VPS35L: variants seen among roughly 807,000 people sequenced by gnomAD.
The protein encoded by VPS35L is VPS35 endosomal protein sorting factor like.
A neutral mutation model predicts 133.0 loss-of-function variants in VPS35L; 83 were observed. The observed-to-expected ratio is 0.62, with a 90% CI of 0.52 to 0.75. The LOEUF (loss-of-function observed/expected upper bound fraction) is 0.75, where lower values mean the gene tolerates loss of function less well. VPS35L is among the 30% of genes least tolerant of loss of function. The probability of loss-of-function intolerance (pLI) is 0.00; values close to 1 mark genes in which losing one functional copy is unlikely to be tolerated. For missense variants in VPS35L, 1,083 were observed against 1,206.8 expected, an observed-to-expected ratio of 0.90 and a Z score of 1.52; for synonymous variants, 423 against 449.9, an observed-to-expected ratio of 0.94 and a Z score of 0.76.
chr16:19,556,931 C>T (rs1404205075), intron 1 of VPS35L, among the ~76,000 whole-genome samples: 1 of 151,864 alleles, frequency 6.6e-6, no homozygotes, highest in Non-Finnish European at 1.5e-5. Flanking sequence ...TCGAGACCAG[C>T]CTGGCCAACA....
At chr16:19,573,436 A>C (rs937896788) in intron 4 of VPS35L, 195 bp downstream of exon 4, 94 of 453,622 alleles carry the variant, frequency 2.1e-4, no homozygotes, top group Admixed American at 8.6e-4. Context: ...CAGGTTTCCC[A>C]AAAAAAAATG....
chr16:19,643,845 C>G (rs528914481), intron 22 of VPS35L, among the ~76,000 whole-genome samples: 98 of 151,980 alleles, frequency 6.4e-4, no homozygotes, highest in African/African-American at 2.3e-3. Flanking sequence ...GTAATCCCAG[C>G]TACTTGGGAG....
chr16:19,588,187 GTATT>G (rs555770404), intron 7 of VPS35L, among the ~76,000 whole-genome samples: 590 of 149,974 alleles, frequency 3.9e-3, no homozygotes, highest in Non-Finnish European at 6.3e-3. Flanking sequence ...ATGTATGTAT[GTATT>G]TATTTATTGA....
intron 28 of VPS35L, among the ~76,000 whole-genome samples, chr16:19,687,404 C>A (rs1162568214): frequency 6.6e-6 from 1 of 152,200 alleles, no homozygotes; most frequent in Non-Finnish European, 1.5e-5. Context: ...GAATTGAATT[C>A]TTCTCGCTTC....
At chr16:19,608,701 G>A (rs892957159) in intron 10 of VPS35L, 28 of 447,124 alleles carry the variant, frequency 6.3e-5, no homozygotes, top group African/African-American at 5.5e-4. Context: ...TCCCCATAAA[G>A]CATTGATTAG....
At chr16:19,599,622 T>G (rs1043307527) in intron 8 of VPS35L, among the ~76,000 whole-genome samples, 8 of 151,908 alleles carry the variant, frequency 5.3e-5, no homozygotes, top group African/African-American at 1.9e-4. Context: ...TATCTCTGCC[T>G]CTCAAGTAGC....
At chr16:19,598,177 TA>T (rs1972276249) in intron 8 of VPS35L, among the ~76,000 whole-genome samples, 1 of 152,184 alleles carries the variant, frequency 6.6e-6, no homozygotes, top group African/African-American at 2.4e-5. Flanking sequence ...ACCCTGCCTC[TA>T]AGGGTTTCTG....
At chr16:19,687,988 G>A (rs147914805) in intron 28 of VPS35L, among the ~76,000 whole-genome samples, 285 of 152,194 alleles carry the variant, frequency 1.9e-3, no homozygotes, top group Non-Finnish European at 2.9e-3. Context: ...GTGCAGTGGC[G>A]TGATCTCTGC....
intron 1 of VPS35L, among the ~76,000 whole-genome samples, chr16:19,560,886 C>G (rs1971007237): frequency 6.6e-6 from 1 of 151,202 alleles, no homozygotes; most frequent in Non-Finnish European, 1.5e-5. Context: ...CAAATTTATC[C>G]TTTGTGTTTT....
At chr16:19,686,930 G>A (rs946667160) in intron 28 of VPS35L, among the ~76,000 whole-genome samples, 2 of 152,150 alleles carry the variant, frequency 1.3e-5, no homozygotes, top group Non-Finnish European at 2.9e-5. Context: ...GAGACTGGGA[G>A]GCGGAGGTTG....
Position 19,639,999 on chromosome 16 carries a change from C to T in VPS35L, c.1699-16C>T, listed in dbSNP as rs867029825. On this transcript the variant is annotated splice_polypyrimidine_tract_variant and intron_variant, in intron 20 of 30. Coordinates refer to ENST00000417362, the MANE Select transcript of VPS35L (RefSeq NM_020314.7). This position sits in a 1 kb window ranked among gnomAD's most constrained non-coding sequence, Gnocchi z 4.1. The stretch of plus-strand genomic sequence containing the variant: ...ACTTGTGTCATTTGCATATAGAGTG[C>T]TTGCTTTATTTATAGGAAAAATTTC... 1.9e-6 allele frequency: 3 copies of T among 1,608,798 alleles called. No individual in the cohort carries two copies. Among genetic ancestry groups the T allele is most frequent in the East Asian group, 2.2e-5 (1 of 44,842 alleles).
Position 19,633,333 on chromosome 16 carries a change from C to T in VPS35L, c.1635+161C>T, listed in dbSNP as rs1973517845. On this transcript the variant is annotated intron_variant, in intron 19 of 30. Transcript: ENST00000417362. The surrounding 1 kb of genome is among the most constrained non-coding windows in gnomAD (Gnocchi z 4.1). Reference sequence around the variant, plus strand: ...TGTGCCCTTTGATCAGTTACTTAACCTTGTTGTGCCCCAGTTTTCTCACCT... The same window carrying T: ...TGTGCCCTTTGATCAGTTACTTAACTTTGTTGTGCCCCAGTTTTCTCACCT... Among the ~76,000 whole-genome samples the T allele has an allele frequency of 6.6e-6, 1 of 152,116 alleles. No individual in the cohort carries two copies. The highest frequency in any genetic ancestry group is 2.4e-5 in the African/African-American group (1 of 41,422).
intron 26 of VPS35L, chr16:19,652,828 C>T (rs1414326147): frequency 6.6e-6 from 1 of 152,244 alleles, no homozygotes; most frequent in African/African-American, 2.4e-5. Flanking sequence ...AAATACCCTA[C>T]AGTTTGCTGT....
In VPS35L at chr16:19,691,383, A is replaced by C. The variant is rs1183404997; in HGVS notation, c.2558A>C (p.Asp853Ala). ...VDSNDSLYGG[D>A]SKFLAENNKL... ...TCCAACGACAGCCTCTACGGGGGAG[A>C]CTCCAAGTTCCTGGCAGAAAACAAC... is the stretch of plus-strand genomic sequence containing the variant. The change falls in exon 29 of 31, where the codon GAC (aspartate) becomes GCC (alanine). Residue 853 changes from aspartate (D) to alanine (A), a missense_variant. Coordinates refer to ENST00000417362, the MANE Select transcript of VPS35L (RefSeq NM_020314.7). 1 of 1,613,204 alleles carries C rather than the reference A, an allele frequency of 6.2e-7. No individual in the cohort carries two copies. The highest frequency in any genetic ancestry group is 1.3e-5 in the African/African-American group (1 of 74,670).
intron 5 of VPS35L, among the ~76,000 whole-genome samples, chr16:19,576,998 C>A (rs745838122): frequency 6.6e-6 from 1 of 152,162 alleles, no homozygotes; most frequent in Non-Finnish European, 1.5e-5. Context: ...TGAGCTACCA[C>A]GCCCAGCTTG....
At chr16:19,642,906 A>G (rs1973829726) in intron 22 of VPS35L, among the ~76,000 whole-genome samples, 1 of 152,210 alleles carries the variant, frequency 6.6e-6, no homozygotes, top group Non-Finnish European at 1.5e-5. Context: ...TTTCAGTCAA[A>G]GGCTGAATAG....
intron 2 of VPS35L, among the ~76,000 whole-genome samples, chr16:19,568,050 C>T (rs1046347242): frequency 6.6e-6 from 1 of 151,994 alleles, no homozygotes; most frequent in African/African-American, 2.4e-5. Flanking sequence ...CTCCCTCCCT[C>T]ATGTTCAATA....
At chr16:19,700,306 C>T in intron 30 of VPS35L, 72 bp from the exon 31 acceptor site, 1 of 1,336,808 alleles carries the variant, frequency 7.5e-7, no homozygotes, top group Non-Finnish European at 1.1e-6. Context: ...CACATAATGG[C>T]TGATTCATTA....
intron 9 of VPS35L, among the ~76,000 whole-genome samples, chr16:19,603,700 G>A (rs1349774251): frequency 6.6e-6 from 1 of 152,130 alleles, no homozygotes; most frequent in African/African-American, 2.4e-5. Flanking sequence ...CTTCTCCGCT[G>A]GCTTGAGGAT....
Sources: gnomAD v4.1 joint callset for allele counts (sites outside exome capture counted in the v4.1 genomes callset) on GRCh38, gnomAD v4.1.1 for gene constraint, Gnocchi (gnomAD v3.1) non-coding constraint, MANE v1.5 for transcripts, NCBI Gene and HGNC (gene_info 2026-07-23, HGNC 2026-07-21) for gene names.